The following SNTA1 variants were observed in gnomAD, a reference collection of about 807,000 sequenced individuals.
SNTA1 encodes alpha-1-syntrophin.
In SNTA1, 31 loss-of-function variants were observed where a neutral mutation model predicts 47.1. The observed-to-expected ratio is 0.66, with a 90% CI of 0.49 to 0.89. The LOEUF (loss-of-function observed/expected upper bound fraction) is 0.89, where lower values mean the gene tolerates loss of function less well. Ranked by LOEUF, SNTA1 falls within the 40% of genes least tolerant of loss-of-function variation. The pLI is 0.00. For missense variants in SNTA1, 575 were observed against 693.0 expected (o/e 0.83, Z 1.91); for synonymous variants, 300 against 313.6 (o/e 0.96, Z 0.46).
Position 33,408,210 on chromosome 20 carries a change from CA to C in SNTA1, c.*296del. ...CTGTTGGCTGGGGTCAGGATCCGCA[CA>C]GGGGCAGGTCCCAGACTCGGAATGG... is the stretch of plus-strand genomic sequence containing the variant. On this transcript the variant is annotated 3_prime_UTR_variant, in exon 8 of 8. Coordinates refer to ENST00000217381, the MANE Select transcript of SNTA1 (RefSeq NM_003098.3). 2.2e-6 allele frequency: 1 copy of C among 445,512 alleles called. No homozygotes were observed. The highest frequency in any genetic ancestry group is 4.2e-6 in the Non-Finnish European group (1 of 237,966). 27.6% of individuals were successfully genotyped at this position (445,512 alleles called of 1,614,324 possible). A position where few individuals can be genotyped will look rare whatever the true frequency, so the allele number is the denominator to read the frequency against.
At chr20:33,420,924 C>T (rs1382519055) in intron 2 of SNTA1, among the ~76,000 whole-genome samples, 2 of 150,920 alleles carry the variant, frequency 1.3e-5, no homozygotes. Context: ...GCGGAGGTTC[C>T]AGTGAGCCAA....
rs73270046 is a variant in SNTA1, at chr20:33,439,637, G to A, written c.311-611C>T. On this transcript the variant is annotated intron_variant, in intron 1 of 7. Transcript: ENST00000217381. ...CAATCACTTTTTCTTAAATGTTTTC[G>A]ATTTTCTCATGTAACCCATAAATAT... Among the ~76,000 whole-genome samples, 819 of 152,206 alleles carry A rather than the reference G, an allele frequency of 5.4e-3. 7 individuals are homozygous for A. The highest frequency in any genetic ancestry group is 0.014 in the African/African-American group (600 of 41,528).
At position 33,420,431 on chromosome 20, in the gene SNTA1, C is replaced by T. The variant is rs527686124; in HGVS notation, c.497-2508G>A. ...TCCTGTTACTTGCAGTCAAAAGCAT[C>T]CTGACAAATACAGCCCCCAATGGTG... On this transcript the variant is annotated intron_variant, in intron 2 of 7. Coordinates refer to ENST00000217381, the MANE Select transcript of SNTA1 (RefSeq NM_003098.3). Among the ~76,000 whole-genome samples the T allele has an allele frequency of 5.3e-5, 8 of 152,294 alleles. 1 individual carries two copies. The South Asian group carries it at 1.7e-3, about 32-fold the overall frequency.
chr20:33,421,443 T>C (rs1053439443), intron 2 of SNTA1, among the ~76,000 whole-genome samples: 7 of 150,592 alleles, frequency 4.6e-5, no homozygotes, highest in African/African-American at 1.7e-4. Context: ...AAACCCTGTC[T>C]CTACTAAAAA....
chr20:33,411,193 C>G (rs771678327), intron 5 of SNTA1, among the ~76,000 whole-genome samples: 1 of 152,082 alleles, frequency 6.6e-6, no homozygotes, highest in Non-Finnish European at 1.5e-5. Context: ...TGCTGACACC[C>G]GCCTTCGACT....
Position 33,442,129 on chromosome 20 carries a change from G to A in SNTA1, c.310+1182C>T, listed in dbSNP as rs750892359. On this transcript the variant is annotated intron_variant, in intron 1 of 7. Coordinates refer to ENST00000217381, the MANE Select transcript of SNTA1 (RefSeq NM_003098.3). ...TCTCAGTTTCTTCACCTGCAATATGGGAATTATACTCCCTACCTTTCACCA... is the reference window on the plus strand; with the variant it reads ...TCTCAGTTTCTTCACCTGCAATATGAGAATTATACTCCCTACCTTTCACCA... Among the ~76,000 whole-genome samples, 136 of 152,212 alleles carry A rather than the reference G, an allele frequency of 8.9e-4. 2 individuals are homozygous for A. The highest frequency in any genetic ancestry group is 6.8e-3 in the Middle Eastern group (2 of 294).
chr20:33,439,067 T>TC, intron 1 of SNTA1, 41 bp from the exon 2 acceptor site: 1 of 1,557,442 alleles, frequency 6.4e-7, no homozygotes, highest in Non-Finnish European at 8.9e-7. Context: ...AGGCAGATAC[T>TC]CCAACACTTG....
rs895904168 is a variant in SNTA1, at chr20:33,417,994, T to C, written c.497-71A>G. ...CAGCACATATCACAATTGTCACTAA[T>C]TTATTAAGAGTTTAATTTACGTGTC... On this transcript the variant is annotated intron_variant, in intron 2 of 7. Transcript: ENST00000217381. The C allele has an allele frequency of 2.7e-5, 28 of 1,025,654 alleles. No homozygotes were observed. In the Middle Eastern group the frequency reaches 8.2e-4, roughly 30 times the overall value. The allele number at this position is 1,025,654 out of a possible 1,614,324, so 63.5% of individuals were successfully genotyped here.
Position 33,408,603 on chromosome 20 carries a change from G to A in SNTA1, c.1426-4C>T, listed in dbSNP as rs749235666. 3 of 1,613,554 alleles carry A rather than the reference G, an allele frequency of 1.9e-6. No individual in the cohort carries two copies. Among genetic ancestry groups the A allele is most frequent in the Non-Finnish European group, 2.5e-6 (3 of 1,179,466 alleles). ...GACACGAGTGCAGGTCCAGCTGCTG[G>A]AGGGTGGATGGAGAGAAGAGTCAGG... is the stretch of plus-strand genomic sequence containing the variant. On this transcript the variant is annotated splice_polypyrimidine_tract_variant and splice_region_variant and intron_variant, in intron 7 of 7. Transcript: ENST00000217381.
At chr20:33,418,409 C>A (rs530539573) in intron 2 of SNTA1, among the ~76,000 whole-genome samples, 3 of 152,100 alleles carry the variant, frequency 2.0e-5, no homozygotes, top group African/African-American at 7.2e-5. Context: ...TACGCACTAC[C>A]ACACCCAGCT....
intron 2 of SNTA1, among the ~76,000 whole-genome samples, chr20:33,434,534 A>G (rs1286175739): frequency 1.3e-5 from 2 of 152,172 alleles, no homozygotes; most frequent in African/African-American, 4.8e-5. Context: ...AGAATATAAG[A>G]GCAGGGGCCC....
intron 3 of SNTA1, among the ~76,000 whole-genome samples, chr20:33,416,368 A>G (rs779445645): frequency 2.0e-5 from 3 of 152,214 alleles, no homozygotes; most frequent in Non-Finnish European, 4.4e-5. Context: ...CCACTTGACC[A>G]AATATGCTCC....
intron 3 of SNTA1, among the ~76,000 whole-genome samples, chr20:33,413,904 C>T (rs1989809464): frequency 6.6e-6 from 1 of 151,906 alleles, no homozygotes; most frequent in East Asian, 1.9e-4. Context: ...GGTGCCAGTG[C>T]ACTCCAGCCT....
intron 2 of SNTA1, among the ~76,000 whole-genome samples, chr20:33,419,536 G>C (rs1238144052): frequency 6.6e-6 from 1 of 152,102 alleles, no homozygotes; most frequent in African/African-American, 2.4e-5. Flanking sequence ...CTGACTTTTG[G>C]GGACTAGGAC....
intron 3 of SNTA1, among the ~76,000 whole-genome samples, chr20:33,415,179 C>A (rs922359744): frequency 3.9e-5 from 6 of 152,212 alleles, no homozygotes; most frequent in Non-Finnish European, 7.3e-5. Context: ...ATGTACAAAT[C>A]TATACTCATA....
At position 33,434,457 on chromosome 20, in the gene SNTA1, T is replaced by C. The variant is rs117555632; in HGVS notation, c.496+4384A>G. 3.4e-3 allele frequency among the ~76,000 whole-genome samples: 517 copies of C among 152,268 alleles called. 1 individual carries two copies. Among genetic ancestry groups the C allele is most frequent in the South Asian group, 9.3e-3 (45 of 4,826 alleles). On this transcript the variant is annotated intron_variant, in intron 2 of 7. Coordinates refer to ENST00000217381, the MANE Select transcript of SNTA1 (RefSeq NM_003098.3). The stretch of plus-strand genomic sequence containing the variant: ...GGGAAAAACATGAAGGCCACATTCT[T>C]CTTTCTCTTACCCAGGCCATAGGCA...
At chr20:33,441,028 T>C (rs1482852888) in intron 1 of SNTA1, among the ~76,000 whole-genome samples, 1 of 152,238 alleles carries the variant, frequency 6.6e-6, no homozygotes, top group Non-Finnish European at 1.5e-5. Context: ...AAGAAGCTAA[T>C]ACATTTTACT....
At position 33,412,320 on chromosome 20, in the gene SNTA1, C is replaced by T. The variant is rs766113829; in HGVS notation, c.1016G>A (p.Arg339His). Residue 339 changes from arginine (R) to histidine (H), a missense_variant, in exon 5 of 8, where the codon CGT (arginine) becomes CAT (histidine). By Grantham distance (29) the Arg-to-His change is conservative. Transcript: ENST00000217381. ...ETREALSRPARTAPLIATRLV... is the reference protein window; with the variant it reads ...ETREALSRPAHTAPLIATRLV... Reference sequence around the variant, plus strand: ...CCTGGTGGCGATGAGTGGGGCAGTACGGGCTGGCCGGCTCAGGGCCTCGCG... The same window carrying T: ...CCTGGTGGCGATGAGTGGGGCAGTATGGGCTGGCCGGCTCAGGGCCTCGCG... 37 of 1,611,660 alleles carry T rather than the reference C, an allele frequency of 2.3e-5. No homozygotes were observed. The highest frequency in any genetic ancestry group is 3.0e-5 in the Non-Finnish European group (35 of 1,179,484).
At chr20:33,413,182 A>G (rs1284650284) in intron 3 of SNTA1, among the ~76,000 whole-genome samples, 5 of 151,958 alleles carry the variant, frequency 3.3e-5, no homozygotes, top group African/African-American at 1.2e-4. Context: ...TTTAATAGAG[A>G]TGGGGTTTCA....
Sources: gnomAD v4.1 joint callset for allele counts (sites outside exome capture counted in the v4.1 genomes callset) on GRCh38, gnomAD v4.1.1 for gene constraint, MANE v1.5 for transcripts, NCBI Gene and HGNC (gene_info 2026-07-23, HGNC 2026-07-21) for gene names.